Variants in PLCL2 observed in about 807,000 individuals in gnomAD.
The protein encoded by PLCL2 is phospholipase C like 2, also known as inactive phospholipase C-like protein 2.
PLCL2 carries 4 observed loss-of-function variants against 79.6 expected under a neutral mutation model. That is an observed-to-expected ratio of 0.05 (90% CI 0.02 to 0.11). PLCL2 has a LOEUF of 0.11. PLCL2 is among the 10% of genes least tolerant of loss of function. The probability of loss-of-function intolerance (pLI) is 1.00; values close to 1 mark genes in which losing one functional copy is unlikely to be tolerated. For synonymous variants in PLCL2, 484 were observed against 457.7 expected (o/e 1.06, Z -0.73); for missense variants, 895 against 1,291.0 (o/e 0.69, Z 4.70).
At chr3:16,892,353 T>C (rs908654367) in intron 1 of PLCL2, among the ~76,000 whole-genome samples, 22 of 152,362 alleles carry the variant, frequency 1.4e-4, no homozygotes, top group African/African-American at 5.3e-4. Flanking sequence ...AGAATAGGCC[T>C]TTGAAATTTT....
chr3:16,954,438 T>C (rs2063684579), intron 1 of PLCL2, among the ~76,000 whole-genome samples: 1 of 152,230 alleles, frequency 6.6e-6, no homozygotes, highest in South Asian at 2.1e-4. Flanking sequence ...GTTGGACATT[T>C]AGGTTGGTTC....
intron 1 of PLCL2, among the ~76,000 whole-genome samples, chr3:16,956,631 A>G (rs2063708633): frequency 6.6e-6 from 1 of 152,298 alleles, no homozygotes; most frequent in South Asian, 2.1e-4. Flanking sequence ...TACCTCTGGT[A>G]GAATTCGGCT....
rs184326321 is a variant in PLCL2 at position 16,926,677 on chromosome 3, G to A, written c.327+41311G>A. Among the ~76,000 whole-genome samples the A allele has an allele frequency of 2.0e-5, 3 of 149,998 alleles. No homozygotes were observed. In the East Asian group the frequency reaches 5.9e-4, roughly 29 times the overall value. On this transcript the variant is annotated intron_variant, in intron 1 of 5. Transcript: ENST00000615277. ...GACAGAGTCTCCCTCTGTCTCCCACGCTGGAGTGCAGTGGTGCAATCTTGG... is the reference window on the plus strand; with the variant it reads ...GACAGAGTCTCCCTCTGTCTCCCACACTGGAGTGCAGTGGTGCAATCTTGG...
At chr3:16,995,024 G>A (rs540584294) in intron 1 of PLCL2, among the ~76,000 whole-genome samples, 4 of 152,328 alleles carry the variant, frequency 2.6e-5, no homozygotes, top group Non-Finnish European at 5.9e-5. Context: ...CCCCTTCTTG[G>A]AAGCCAAGCA....
At chr3:16,954,296 G>C (rs998964452) in intron 1 of PLCL2, among the ~76,000 whole-genome samples, 1 of 152,056 alleles carries the variant, frequency 6.6e-6, no homozygotes, top group Non-Finnish European at 1.5e-5. Flanking sequence ...TTGTCCTTGC[G>C]ATAGTTTGCT....
At chr3:16,998,492 C>G (rs2064176272) in intron 1 of PLCL2, among the ~76,000 whole-genome samples, 1 of 152,128 alleles carries the variant, frequency 6.6e-6, no homozygotes, top group South Asian at 2.1e-4. Context: ...CCAAATTTTG[C>G]CAGCCACTTA....
At chr3:16,912,618 A>G (rs1467783575) in intron 1 of PLCL2, among the ~76,000 whole-genome samples, 2 of 152,224 alleles carry the variant, frequency 1.3e-5, no homozygotes, top group East Asian at 1.9e-4. Flanking sequence ...GATGAGCAAC[A>G]TTGCTCAAAA....
intron 1 of PLCL2, among the ~76,000 whole-genome samples, chr3:16,990,128 GTGA>G (rs10659825): frequency 2.6e-5 from 4 of 151,838 alleles, no homozygotes; most frequent in African/African-American, 7.3e-5. Context: ...GACGATGATG[GTGA>G]TGATGATAGC....
intron 1 of PLCL2, among the ~76,000 whole-genome samples, chr3:16,891,225 T>C (rs768268901): frequency 1.3e-5 from 2 of 152,226 alleles, no homozygotes; most frequent in African/African-American, 4.8e-5. Flanking sequence ...CTTTATGGCC[T>C]TGGGCAAGAT....
chr3:16,967,396 A>C (rs2063818324), intron 1 of PLCL2, among the ~76,000 whole-genome samples: 1 of 152,078 alleles, frequency 6.6e-6, no homozygotes, highest in African/African-American at 2.4e-5. Context: ...TGTATAAAGC[A>C]TTCCCTTTTC....
intron 4 of PLCL2, among the ~76,000 whole-genome samples, chr3:17,053,600 CA>C (rs112395762): frequency 8.1e-4 from 124 of 152,292 alleles, no homozygotes; most frequent in African/African-American, 2.8e-3. Flanking sequence ...AGCATTAACT[CA>C]AAAGTCCAAA....
At chr3:16,984,355 T>C (rs2064028000) in intron 1 of PLCL2, among the ~76,000 whole-genome samples, 1 of 152,194 alleles carries the variant, frequency 6.6e-6, no homozygotes, top group Admixed American at 6.6e-5. Flanking sequence ...GACTTATAAT[T>C]GGTTGTAAAC....
At chr3:16,969,662 A>G (rs895230493) in intron 1 of PLCL2, among the ~76,000 whole-genome samples, 1 of 151,932 alleles carries the variant, frequency 6.6e-6, no homozygotes, top group Non-Finnish European at 1.5e-5. Flanking sequence ...CTAGCAGTCT[A>G]TCCGTCTTAT....
chr3:16,942,206 T>G (rs2124951395), intron 1 of PLCL2, among the ~76,000 whole-genome samples: 1 of 152,356 alleles, frequency 6.6e-6, no homozygotes, highest in East Asian at 1.9e-4. Flanking sequence ...GTAGGAAATC[T>G]GGAGTGAGAA....
At chr3:16,977,642 G>T (rs1265332467) in intron 1 of PLCL2, among the ~76,000 whole-genome samples, 13 of 152,178 alleles carry the variant, frequency 8.5e-5, no homozygotes, top group African/African-American at 3.1e-4. Flanking sequence ...TCTCATTGCA[G>T]ATTGTAGCCT....
At chr3:16,963,352 C>T (rs1473829749) in intron 1 of PLCL2, among the ~76,000 whole-genome samples, 7 of 151,686 alleles carry the variant, frequency 4.6e-5, no homozygotes, top group Non-Finnish European at 7.4e-5. Flanking sequence ...ATGTAGCAAG[C>T]CATCATAATC....
intron 1 of PLCL2, among the ~76,000 whole-genome samples, chr3:16,943,722 A>T (rs1423210839): frequency 1.3e-5 from 2 of 152,220 alleles, no homozygotes; most frequent in Admixed American, 6.5e-5. Flanking sequence ...TAATCAGTGT[A>T]GCTCTGTATC....
At chr3:16,951,779 G>C (rs539505525) in intron 1 of PLCL2, among the ~76,000 whole-genome samples, 2 of 152,170 alleles carry the variant, frequency 1.3e-5, no homozygotes, top group African/African-American at 4.8e-5. Context: ...AGTTTCTGAA[G>C]TGTTTTTAAA....
chr3:16,982,645 C>T (rs1366839040), intron 1 of PLCL2, among the ~76,000 whole-genome samples: 3 of 152,162 alleles, frequency 2.0e-5, no homozygotes, highest in African/African-American at 7.2e-5. Context: ...CCTCTTTTTC[C>T]TCTTCCTTAA....
Sources: allele counts gnomAD v4.1 joint callset (sites outside exome capture counted in the v4.1 genomes callset), GRCh38; gene constraint gnomAD v4.1.1; transcripts MANE v1.5; gene names NCBI Gene and HGNC (gene_info 2026-07-23, HGNC 2026-07-21).